Variants in CYP4F22 observed in about 807,000 individuals in gnomAD.
CYP4F22 encodes ultra-long-chain fatty acid omega-hydroxylase.
Under a neutral mutation model 60.4 loss-of-function variants are expected in CYP4F22, and 37 were observed. The observed-to-expected ratio is 0.61, with a 90% CI of 0.47 to 0.81. CYP4F22 has a LOEUF of 0.81. CYP4F22 is among the 30% of genes least tolerant of loss of function. The pLI, the probability that CYP4F22 is intolerant of heterozygous loss-of-function variation, is 0.00. For synonymous variants in CYP4F22, 258 were observed against 280.5 expected, an observed-to-expected ratio of 0.92 and a Z score of 0.80; for missense variants, 655 against 715.0, an observed-to-expected ratio of 0.92 and a Z score of 0.96.
intron 3 of CYP4F22, among the ~76,000 whole-genome samples, chr19:15,527,775 T>C (rs1264662705): frequency 6.6e-6 from 1 of 152,248 alleles, no homozygotes; most frequent in African/African-American, 2.4e-5. Flanking sequence ...GGCTAGGCAC[T>C]GGGTTAGGCT....
chr19:15,512,508 G>A (rs905975809), intron 1 of CYP4F22, among the ~76,000 whole-genome samples: 2 of 152,032 alleles, frequency 1.3e-5, no homozygotes, highest in African/African-American at 4.8e-5. Flanking sequence ...GTTTCATCAT[G>A]TTGCCCAGGT....
rs770695228 is a variant in CYP4F22 at position 15,538,010 on chromosome 19, T to C, written c.671+17T>C. The C allele has an allele frequency of 1.4e-5, 22 of 1,613,846 alleles. No individual in the cohort carries two copies. Among genetic ancestry groups the C allele is most frequent in the Non-Finnish European group, 1.7e-5 (20 of 1,180,032 alleles). The stretch of plus-strand genomic sequence containing the variant: ...CTGCCAAGAGTGAGTGTGACCCTTC[T>C]TGGGAAGATGGAGCCAGCTGCTCTA... On this transcript the variant is annotated intron_variant, in intron 7 of 13. Coordinates refer to ENST00000269703, the MANE Select transcript of CYP4F22 (RefSeq NM_173483.4).
chr19:15,538,088 G>T (rs1329787558), intron 7 of CYP4F22, 95 bp downstream of exon 7: 2 of 1,552,272 alleles, frequency 1.3e-6, no homozygotes, highest in Non-Finnish European at 1.8e-6. Context: ...GACAACTCTG[G>T]CCTATGGGAG....
At chr19:15,533,591 CTTTTTTTTT>C (rs34585637) in intron 4 of CYP4F22, among the ~76,000 whole-genome samples, 1 of 91,434 alleles carries the variant, frequency 1.1e-5, no homozygotes, top group African/African-American at 4.5e-5. Context: ...CAGTTTCATT[CTTTTTTTTT>C]TTTTTTTTTT....
intron 4 of CYP4F22, among the ~76,000 whole-genome samples, chr19:15,530,068 A>G (rs1026582291): frequency 3.9e-5 from 6 of 152,198 alleles, no homozygotes; most frequent in African/African-American, 9.7e-5. Flanking sequence ...CTTCGAGGGA[A>G]TGTCCATCCA....
In CYP4F22 at chr19:15,547,992, AGAGGGAGAGAGT is replaced by A. The variant is rs879183466; in HGVS notation, c.1137-114_1137-103del. 86,674 of 480,424 alleles carry A rather than the reference AGAGGGAGAGAGT, an allele frequency of 0.18. 15,234 individuals are homozygous for A. The highest frequency in any genetic ancestry group is 0.19 in the Non-Finnish European group (64,805 of 333,458). 29.8% of individuals were successfully genotyped at this position (480,424 alleles called of 1,614,324 possible). ...CTGAGAGAGAGAGAGAGAGAGAGAG[AGAGGGAGAGAGT>A]GTGTGTGTGTGTGTGTGTGTGTGTG... On this transcript the variant is annotated intron_variant, in intron 10 of 13. Transcript: ENST00000269703.
chr19:15,538,550 A>T (rs1183629768), intron 7 of CYP4F22, among the ~76,000 whole-genome samples: 1 of 152,204 alleles, frequency 6.6e-6, no homozygotes, highest in Non-Finnish European at 1.5e-5. Context: ...TGGCACCATG[A>T]TATTGCTGCT....
intron 4 of CYP4F22, 79 bp from the exon 5 acceptor site, chr19:15,537,282 C>T: frequency 1.3e-6 from 2 of 1,579,756 alleles, no homozygotes; most frequent in Non-Finnish European, 1.7e-6. Flanking sequence ...GCCTGGATGA[C>T]AGAGCAAGAC....
chr19:15,509,266 A>G (rs1025937803), intron 1 of CYP4F22, among the ~76,000 whole-genome samples: 2 of 152,096 alleles, frequency 1.3e-5, no homozygotes, highest in Admixed American at 6.5e-5. Context: ...CAGCCTGGGT[A>G]TGCAAGTTGG....
chr19:15,540,508 C>T lies in CYP4F22; in HGVS notation c.730C>T (p.Gln244Ter). 2.5e-6 allele frequency: 4 copies of T among 1,614,196 alleles called. No individual in the cohort carries two copies. The highest frequency in any genetic ancestry group is 3.4e-6 in the Non-Finnish European group (4 of 1,180,056). ...ACTGAGCGCTCTGTCTGTCCGGCGC[C>T]AGTATCGCTTGCACCACTACCTCGA... ...IELSALSVRR[Q>*]YRLHHYLDFI... The change falls in exon 8 of 14, where the codon CAG becomes TAG. Residue 244 changes from glutamine to a stop codon, truncating the protein, a stop_gained. Transcript: ENST00000269703. LOFTEE classifies it high-confidence loss of function.
intron 1 of CYP4F22, among the ~76,000 whole-genome samples, chr19:15,510,945 C>CATATATATATATTT (rs1460338117): frequency 9.0e-6 from 1 of 111,632 alleles, no homozygotes; most frequent in African/African-American, 3.6e-5. Context: ...ATAGGGATAC[C>CATATATATATATTT]ATATATATAT....
At chr19:15,530,803 C>G (rs1413198706) in intron 4 of CYP4F22, among the ~76,000 whole-genome samples, 2 of 151,996 alleles carry the variant, frequency 1.3e-5, no homozygotes, top group Non-Finnish European at 2.9e-5. Context: ...TCAATTACCC[C>G]CCACCGGATC....
Position 15,513,476 on chromosome 19 carries a change from A to T in CYP4F22, c.-109+4893A>T, listed in dbSNP as rs1410062394. On this transcript the variant is annotated intron_variant, in intron 1 of 13. Coordinates refer to ENST00000269703, the MANE Select transcript of CYP4F22 (RefSeq NM_173483.4). ...GCCTCCCGGGTTCACGCCATTCTTC[A>T]GCCTCAGCCTCCCGAGTAGCTGGGA... 2.9e-4 allele frequency among the ~76,000 whole-genome samples: 42 copies of T among 145,194 alleles called. No homozygotes were observed. The East Asian group carries it at 8.1e-3, about 28-fold the overall frequency.
At chr19:15,547,589 G>A (rs1373233773) in intron 10 of CYP4F22, among the ~76,000 whole-genome samples, 1 of 152,068 alleles carries the variant, frequency 6.6e-6, no homozygotes, top group Non-Finnish European at 1.5e-5. Flanking sequence ...TTGGGAGGCC[G>A]AGGTGGGTGG....
chr19:15,527,491 GC>G (rs1353784249), intron 3 of CYP4F22, among the ~76,000 whole-genome samples: 1 of 152,156 alleles, frequency 6.6e-6, no homozygotes, highest in African/African-American at 2.4e-5. Flanking sequence ...CATCTCCAGT[GC>G]CCTTACTCTA....
rs578244099 is a variant in CYP4F22 at position 15,520,016 on chromosome 19, T to C, written c.-108-3677T>C. ...CATCGTGTATGTTTGTGTCTGTGTGTGTGTGCGCGTGCACAAGTACATGCA... is the reference window on the plus strand; with the variant it reads ...CATCGTGTATGTTTGTGTCTGTGTGCGTGTGCGCGTGCACAAGTACATGCA... On this transcript the variant is annotated intron_variant, in intron 1 of 13. Coordinates refer to ENST00000269703, the MANE Select transcript of CYP4F22 (RefSeq NM_173483.4). 7.2e-5 allele frequency among the ~76,000 whole-genome samples: 11 copies of C among 152,246 alleles called. No homozygotes were observed. The South Asian group carries it at 2.1e-3, about 29-fold the overall frequency.
At chr19:15,513,753 T>C (rs1971122390) in intron 1 of CYP4F22, among the ~76,000 whole-genome samples, 1 of 152,092 alleles carries the variant, frequency 6.6e-6, no homozygotes, top group Admixed American at 6.6e-5. Context: ...CGCACCCCCC[T>C]CGGTCTCCCA....
At chr19:15,509,910 T>C (rs1019358069) in intron 1 of CYP4F22, among the ~76,000 whole-genome samples, 1,598 of 127,688 alleles carry the variant, frequency 0.013, 33 homozygotes, top group Admixed American at 0.024. Flanking sequence ...CCTTCCTTTC[T>C]TTCTTTCCTT....
chr19:15,518,077 C>T (rs1459918384), intron 1 of CYP4F22, among the ~76,000 whole-genome samples: 1 of 152,056 alleles, frequency 6.6e-6, no homozygotes, highest in Non-Finnish European at 1.5e-5. Flanking sequence ...TGACTCATGC[C>T]TAGAATCCCA....
Sources: gnomAD v4.1 joint callset for allele counts (sites outside exome capture counted in the v4.1 genomes callset) on GRCh38, gnomAD v4.1.1 for gene constraint, MANE v1.5 for transcripts, NCBI Gene and HGNC (gene_info 2026-07-23, HGNC 2026-07-21) for gene names.